Variants in FAM227B observed in about 807,000 individuals in gnomAD.
The protein encoded by FAM227B is family with sequence similarity 227 member B.
FAM227B carries 88 observed loss-of-function variants against 73.8 expected under a neutral mutation model. The observed-to-expected ratio is 1.19, with a 90% CI of 1.00 to 1.42. The LOEUF (loss-of-function observed/expected upper bound fraction) is 1.42, where lower values mean the gene tolerates loss of function less well. FAM227B is among the 40% of genes most tolerant of loss of function. FAM227B has a pLI of 0.00. For synonymous variants in FAM227B, 210 were observed against 190.5 expected, an observed-to-expected ratio of 1.10 and a Z score of -0.84; for missense variants, 632 against 590.9, an observed-to-expected ratio of 1.07 and a Z score of -0.72.
At chr15:49,489,824 A>ATATATATATATAT (rs1567381492) in intron 11 of FAM227B, among the ~76,000 whole-genome samples, 1 of 21,430 alleles carries the variant, frequency 4.7e-5, no homozygotes, top group Non-Finnish European at 8.5e-5. Context: ...TATATATTTT[A>ATATATATATATAT]TATATATATA....
chr15:49,440,690 A>T (rs1407369422), intron 11 of FAM227B, among the ~76,000 whole-genome samples: 2 of 151,662 alleles, frequency 1.3e-5, no homozygotes, highest in Non-Finnish European at 2.9e-5. Context: ...ATCTAATTCC[A>T]TTTTATAAAT....
chr15:49,448,763 TC>T (rs1169887703), intron 11 of FAM227B, among the ~76,000 whole-genome samples: 1 of 151,624 alleles, frequency 6.6e-6, no homozygotes. Flanking sequence ...TAAGGAAGGC[TC>T]CCCCAAATAC....
chr15:49,356,057 A>T (rs1164663464), intron 13 of FAM227B, among the ~76,000 whole-genome samples: 3 of 149,792 alleles, frequency 2.0e-5, no homozygotes, highest in Non-Finnish European at 4.4e-5. Flanking sequence ...TTTTCTCACC[A>T]ACAGGCCTGC....
chr15:49,499,836 A>G lies in FAM227B; in HGVS notation c.1012+8375T>C, dbSNP rs147532458. ...AGTGATTCTTAATGTTTATACATAT[A>G]ATTAAGAAAAATTACTCAAAATGAA... On this transcript the variant is annotated intron_variant, in intron 11 of 15. Transcript: ENST00000299338. Among the ~76,000 whole-genome samples, 53 of 152,328 alleles carry G rather than the reference A, an allele frequency of 3.5e-4. 1 individual carries two copies. In the East Asian group the frequency reaches 6.2e-3, roughly 18 times the overall value.
intron 12 of FAM227B, 25 bp downstream of exon 12, chr15:49,371,277 T>C: frequency 1.4e-6 from 2 of 1,427,452 alleles, no homozygotes; most frequent in Non-Finnish European, 2.0e-6. Flanking sequence ...GTAAGAAATT[T>C]TTTCATAATT....
chr15:49,516,873 T>C (rs187766312), intron 10 of FAM227B, among the ~76,000 whole-genome samples: 1 of 152,180 alleles, frequency 6.6e-6, no homozygotes, highest in African/African-American at 2.4e-5. Flanking sequence ...TTCACAAGAA[T>C]CCTTAAATGT....
intron 13 of FAM227B, 123 bp downstream of exon 13, chr15:49,367,325 T>C: frequency 1.2e-6 from 1 of 868,594 alleles, no homozygotes; most frequent in East Asian, 2.9e-5. Context: ...TAAATATTAA[T>C]ACTAAACAGA....
At chr15:49,391,569 A>T (rs1467000750) in intron 11 of FAM227B, among the ~76,000 whole-genome samples, 5 of 152,022 alleles carry the variant, frequency 3.3e-5, no homozygotes, top group Admixed American at 6.6e-5. Flanking sequence ...TTTGTTCTAA[A>T]TTTTTTCCTG....
intron 10 of FAM227B, among the ~76,000 whole-genome samples, chr15:49,521,246 G>C (rs904862314): frequency 1.3e-5 from 2 of 152,194 alleles, no homozygotes; most frequent in African/African-American, 4.8e-5. Context: ...CAGGGGACCA[G>C]CCAGACGCTA....
intron 11 of FAM227B, chr15:49,424,432 C>A: frequency 1.2e-6 from 2 of 1,613,660 alleles, no homozygotes; most frequent in Non-Finnish European, 1.7e-6. Flanking sequence ...CAAATGTGAA[C>A]TGTTCCAGCC....
chr15:49,471,279 G>A lies in FAM227B; in HGVS notation c.1012+36932C>T, dbSNP rs931550200. 6.6e-5 allele frequency among the ~76,000 whole-genome samples: 10 copies of A among 151,518 alleles called. 1 individual carries two copies. Among genetic ancestry groups the A allele is most frequent in the Admixed American group, 6.6e-4 (10 of 15,204 alleles). ...GGTGGGTGGATCACCTAGGTCAGGA[G>A]TTCGAGACTAGCCTGGCTAACATGG... On this transcript the variant is annotated intron_variant, in intron 11 of 15. Coordinates refer to ENST00000299338, the MANE Select transcript of FAM227B (RefSeq NM_152647.3).
At chr15:49,419,601 A>C (rs979176046) in intron 11 of FAM227B, among the ~76,000 whole-genome samples, 23 of 152,228 alleles carry the variant, frequency 1.5e-4, no homozygotes, top group African/African-American at 5.5e-4. Flanking sequence ...TCTGCTTACC[A>C]TATTATAATG....
At chr15:49,466,447 G>A (rs1054437582) in intron 11 of FAM227B, among the ~76,000 whole-genome samples, 1 of 152,142 alleles carries the variant, frequency 6.6e-6, no homozygotes, top group Non-Finnish European at 1.5e-5. Context: ...GAAGAAAAAT[G>A]GGAGAAAATT....
chr15:49,561,166 G>C (rs996649869), intron 9 of FAM227B, among the ~76,000 whole-genome samples: 2 of 152,018 alleles, frequency 1.3e-5, no homozygotes, highest in African/African-American at 4.8e-5. Flanking sequence ...AAAGTCTCAG[G>C]GTTGGAGAAA....
intron 8 of FAM227B, among the ~76,000 whole-genome samples, chr15:49,569,945 G>A (rs1382476933): frequency 6.6e-6 from 1 of 151,916 alleles, no homozygotes; most frequent in African/African-American, 2.4e-5. Flanking sequence ...TGTCACAAAT[G>A]TTAGGATTTC....
rs1165359876 is a variant in FAM227B at position 49,327,513 on chromosome 15, G to A, written c.*1055C>T. Reference sequence around the variant, plus strand: ...CATTGGGGAAAACTTGTATAAGACTGTACATTTTAAATTTTGATTTGTCCT... The same window carrying A: ...CATTGGGGAAAACTTGTATAAGACTATACATTTTAAATTTTGATTTGTCCT... On this transcript the variant is annotated 3_prime_UTR_variant, in exon 16 of 16. Transcript: ENST00000299338. 1 of 154,526 alleles carries A rather than the reference G, an allele frequency of 6.5e-6. No individual in the cohort carries two copies. Among genetic ancestry groups the A allele is most frequent in the African/African-American group, 2.4e-5 (1 of 41,464 alleles). 9.6% of individuals were successfully genotyped at this position (154,526 alleles called of 1,614,324 possible).
At chr15:49,536,012 T>C (rs2060982928) in intron 10 of FAM227B, among the ~76,000 whole-genome samples, 1 of 144,524 alleles carries the variant, frequency 6.9e-6, no homozygotes, top group Non-Finnish European at 1.5e-5. Context: ...AAGACAAGGA[T>C]ACTCTCTCTT....
At chr15:49,525,381 G>A (rs190375431) in intron 10 of FAM227B, among the ~76,000 whole-genome samples, 49 of 152,138 alleles carry the variant, frequency 3.2e-4, no homozygotes, top group Non-Finnish European at 5.4e-4. Context: ...ATGATTGTGA[G>A]GCCTCCACAG....
At chr15:49,413,620 C>G (rs887071016) in intron 11 of FAM227B, among the ~76,000 whole-genome samples, 1 of 151,982 alleles carries the variant, frequency 6.6e-6, no homozygotes, top group Admixed American at 6.6e-5. Flanking sequence ...TTGCCATCTC[C>G]CAAACATTCT....
Sources: gnomAD v4.1 joint callset for allele counts (sites outside exome capture counted in the v4.1 genomes callset) on GRCh38, gnomAD v4.1.1 for gene constraint, MANE v1.5 for transcripts, NCBI Gene and HGNC (gene_info 2026-07-23, HGNC 2026-07-21) for gene names.